Variants in ZNF483 observed in about 807,000 individuals in gnomAD.
ZNF483 encodes the protein zinc finger protein 483.
Under a neutral mutation model 28.6 loss-of-function variants are expected in ZNF483, and 9 were observed. That is an observed-to-expected ratio of 0.32 (90% CI 0.19 to 0.55). The LOEUF is 0.55. Ranked by LOEUF, ZNF483 falls within the 20% of genes least tolerant of loss-of-function variation. The pLI, the probability that ZNF483 is intolerant of heterozygous loss-of-function variation, is 0.93. For synonymous variants in ZNF483, 322 were observed against 306.2 expected (o/e 1.05, Z -0.54); for missense variants, 675 against 871.7 (o/e 0.77, Z 2.84).
intron 1 of ZNF483, among the ~76,000 whole-genome samples, 170 bp from the exon 2 acceptor site, chr9:111,527,098 G>A (rs996401631): frequency 1.9e-4 from 29 of 150,356 alleles, no homozygotes; most frequent in Admixed American, 7.9e-4. Flanking sequence ...GCGAAACTCC[G>A]TCTCAAAAAA....
At position 111,546,213 on chromosome 9, in the gene ZNF483, A is replaced by T. The variant is rs558273498; in HGVS notation, c.*3043A>T. 2.6e-4 allele frequency among the ~76,000 whole-genome samples: 39 copies of T among 152,244 alleles called. No individual in the cohort carries two copies. Among genetic ancestry groups the T allele is most frequent in the Admixed American group, 7.2e-4 (11 of 15,280 alleles). On this transcript the variant is annotated 3_prime_UTR_variant, in exon 6 of 6. Transcript: ENST00000309235. ...ATTCATGTATCTTAGTGAAATGTTT[A>T]TTCAGATTTTTTGTCCATTTAAAAT... is the stretch of plus-strand genomic sequence containing the variant.
At chr9:111,541,604 C>A (rs1261678161) in intron 5 of ZNF483, 53 bp from the exon 6 acceptor site, 22 of 1,454,780 alleles carry the variant, frequency 1.5e-5, no homozygotes, top group Admixed American at 2.3e-5. Context: ...ACCCAAAATA[C>A]AACAGCTTCC....
chr9:111,563,075 T>A, intron 5 of ZNF483: 1 of 1,599,138 alleles, frequency 6.3e-7, no homozygotes, highest in Non-Finnish European at 8.5e-7. Context: ...GAAAAACAAA[T>A]TAACTAATCA....
At chr9:111,531,056 C>T (rs936453921) in intron 3 of ZNF483, 93 bp downstream of exon 3, 33 of 462,274 alleles carry the variant, frequency 7.1e-5, no homozygotes, top group Non-Finnish European at 1.2e-4. Flanking sequence ...AGGCTAGGCA[C>T]GGTGGCTTAC....
In ZNF483 at chr9:111,546,641, CATTTT is replaced by C. The variant is rs1221186838; in HGVS notation, c.*3476_*3480del. The stretch of plus-strand genomic sequence containing the variant: ...AAGGCAAGGTTTTGGTCAATAAAGT[CATTTT>C]ATTTATTTTAGAATTATTTTTTAAT... On this transcript the variant is annotated 3_prime_UTR_variant, in exon 6 of 6. Transcript: ENST00000309235. Among the ~76,000 whole-genome samples the C allele has an allele frequency of 2.6e-5, 4 of 152,044 alleles. No homozygotes were observed. Among genetic ancestry groups the C allele is most frequent in the Non-Finnish European group, 4.4e-5 (3 of 67,962 alleles).
downstream of ZNF483, among the ~76,000 whole-genome samples, chr9:111,560,334 CGTG>C (rs1393074736): frequency 6.6e-6 from 1 of 151,722 alleles, no homozygotes; most frequent in Non-Finnish European, 1.5e-5. Flanking sequence ...ATTAGCCAGG[CGTG>C]GTGGTGGGCG....
At position 111,542,592 on chromosome 9, in the gene ZNF483, T is replaced by G. The variant is rs1224037230; in HGVS notation, c.1657T>G (p.Cys553Gly). The G allele has an allele frequency of 6.2e-7, 1 of 1,614,072 alleles. No homozygotes were observed. The change falls in exon 6 of 6, where the codon TGT (cysteine) becomes GGT (glycine). Residue 553 changes from cysteine to glycine, a missense_variant. This residue lies in a region of ZNF483 where 41 missense variants were observed against 69.0 expected (regional missense o/e 0.59). Transcript: ENST00000309235. The surrounding 1 kb of genome is among the most constrained non-coding windows in gnomAD (Gnocchi z 6.2). ...TCATACTGGAGAAAAACCCTATACA[T>G]GTAGCAATTGTGGAAAATCCTTCAG... The part of the protein sequence containing the change: ...RIHTGEKPYT[C>G]SNCGKSFSHS...
chr9:111,525,381 C>G (rs1310619466), intron 1 of ZNF483, 119 bp downstream of exon 1: 1 of 152,262 alleles, frequency 6.6e-6, no homozygotes, highest in African/African-American at 2.4e-5. Context: ...CGCTGCGCTG[C>G]TGCTGCTTCT....
At chr9:111,526,690 G>A (rs1827192269) in intron 1 of ZNF483, among the ~76,000 whole-genome samples, 1 of 152,180 alleles carries the variant, frequency 6.6e-6, no homozygotes, top group African/African-American at 2.4e-5. Context: ...TTGTTAAATA[G>A]CTTTGTGACT....
In ZNF483 at chr9:111,542,721, C is replaced by A. The variant is rs748463775; in HGVS notation, c.1786C>A (p.Arg596=). 6.2e-7 allele frequency: 1 copy of A among 1,613,092 alleles called. No homozygotes were observed. Among genetic ancestry groups the A allele is most frequent in the Non-Finnish European group, 8.5e-7 (1 of 1,179,706 alleles). Residue 596 remains arginine, a synonymous_variant, in exon 6 of 6, where the codon CGG becomes AGG. Coordinates refer to ENST00000309235, the MANE Select transcript of ZNF483 (RefSeq NM_133464.5). This position sits in a 1 kb window ranked among gnomAD's most constrained non-coding sequence, Gnocchi z 6.2. The part of the protein sequence containing the change: ...KAFRQNSCLT[R]HQRIHTGEKP... Reference sequence around the variant, plus strand: ...CTTTAGGCAGAATTCATGCCTTACCCGGCATCAGAGAATTCACACTGGAGA... The same window carrying A: ...CTTTAGGCAGAATTCATGCCTTACCAGGCATCAGAGAATTCACACTGGAGA...
Position 111,562,927 on chromosome 9 carries a change from GGTT to G in ZNF483, c.722-13430_722-13428del, listed in dbSNP as rs1475471182. On this transcript the variant is annotated intron_variant, in intron 5 of 5. Coordinates refer to the ZNF483 transcript ENST00000358151. ...AGCTGTAGTGAACAGTGAGGTGACTGGTTGTTGTTGACTTTGAAACTTCCATCC... is the reference window on the plus strand; with the variant it reads ...AGCTGTAGTGAACAGTGAGGTGACTGGTTGTTGACTTTGAAACTTCCATCC... 3.8e-5 allele frequency: 53 copies of G among 1,379,266 alleles called. No homozygotes were observed. In the East Asian group the frequency reaches 1.3e-3, roughly 35 times the overall value. The allele number at this position is 1,379,266 out of a possible 1,614,324, so 85.4% of individuals were successfully genotyped here.
chr9:111,576,581 A>G, exon 6 of ZNF483: 1 of 688,140 alleles, frequency 1.5e-6, no homozygotes, highest in Non-Finnish European at 2.3e-6. Flanking sequence ...GTTACTTAAC[A>G]CTTCTGAACC....
Position 111,555,357 on chromosome 9 carries a change from C to A in ZNF483, c.*12187C>A, listed in dbSNP as rs1014281676. On this transcript the variant is annotated 3_prime_UTR_variant, in exon 6 of 6. Transcript: ENST00000309235. ...TCTTTAGCCTCTGATTTTCTCCCTACTTCCAGAAAACCTGATGCCTCCACC... is the reference window on the plus strand; with the variant it reads ...TCTTTAGCCTCTGATTTTCTCCCTAATTCCAGAAAACCTGATGCCTCCACC... 3.3e-5 allele frequency among the ~76,000 whole-genome samples: 5 copies of A among 152,170 alleles called. No individual in the cohort carries two copies. The highest frequency in any genetic ancestry group is 7.2e-5 in the African/African-American group (3 of 41,430).
chr9:111,558,896 A>G (rs924162139), downstream of ZNF483, among the ~76,000 whole-genome samples: 1 of 151,996 alleles, frequency 6.6e-6, no homozygotes, highest in African/African-American at 2.4e-5. Context: ...CCTTATCTTT[A>G]ATTTACTTGT....
At chr9:111,526,671 G>T (rs1444593342) in intron 1 of ZNF483, among the ~76,000 whole-genome samples, 2 of 152,166 alleles carry the variant, frequency 1.3e-5, no homozygotes, top group Non-Finnish European at 2.9e-5. Flanking sequence ...CATTAAGAAA[G>T]GGTAGGAGTT....
At chr9:111,578,001 G>GC (rs148260129), downstream of ZNF483, among the ~76,000 whole-genome samples, 1 of 131,838 alleles carries the variant, frequency 7.6e-6, no homozygotes, top group Non-Finnish European at 1.7e-5. Context: ...AGCGTTTTTT[G>GC]GGGGGGGTGA....
chr9:111,557,158 GT>G, downstream of ZNF483, among the ~76,000 whole-genome samples: 1 of 152,206 alleles, frequency 6.6e-6, no homozygotes, highest in East Asian at 1.9e-4. Context: ...CAGAAAATTG[GT>G]TTTTCTTTTC....
chr9:111,553,565 C>T lies in ZNF483; in HGVS notation c.*10395C>T, dbSNP rs1298112063. On this transcript the variant is annotated 3_prime_UTR_variant, in exon 6 of 6. Transcript: ENST00000309235. Reference sequence around the variant, plus strand: ...TGCATAGAAAAAAAAATCATCTGAACTCAAATCAATCTGTTGATACTGACT... The same window carrying T: ...TGCATAGAAAAAAAAATCATCTGAATTCAAATCAATCTGTTGATACTGACT... Among the ~76,000 whole-genome samples the T allele has an allele frequency of 2.0e-5, 3 of 152,086 alleles. No individual in the cohort carries two copies. Among genetic ancestry groups the T allele is most frequent in the Non-Finnish European group, 4.4e-5 (3 of 68,026 alleles).
At position 111,574,844 on chromosome 9, in the gene ZNF483, T is replaced by A. The variant is rs1351972826; in HGVS notation, c.722-1521T>A. ...AGTGTTTGAAAACTCTCCACCTACC[T>A]AAACAGATAGCAAAGACAAAATGTT... On this transcript the variant is annotated intron_variant, in intron 5 of 5. Coordinates refer to the ZNF483 transcript ENST00000358151. The A allele has an allele frequency of 7.5e-6, 12 of 1,602,830 alleles. No homozygotes were observed. Among genetic ancestry groups the A allele is most frequent in the Non-Finnish European group, 8.5e-6 (10 of 1,172,084 alleles).
Sources: gnomAD v4.1 joint callset for allele counts (sites outside exome capture counted in the v4.1 genomes callset) on GRCh38, gnomAD v4.1.1 for gene constraint, gnomAD v4.1.1 regional missense constraint, Gnocchi (gnomAD v3.1) non-coding constraint, MANE v1.5 for transcripts, NCBI Gene and HGNC (gene_info 2026-07-23, HGNC 2026-07-21) for gene names.